The following ATP8B4 variants were observed in gnomAD, a reference collection of about 807,000 sequenced individuals.
The protein encoded by ATP8B4 is ATPase phospholipid transporting 8B4 (putative), also known as probable phospholipid-transporting ATPase IM.
A neutral mutation model predicts 145.6 loss-of-function variants in ATP8B4; 133 were observed. The observed-to-expected ratio is 0.91, with a 90% confidence interval of 0.79 to 1.05. ATP8B4 has a LOEUF of 1.05. ATP8B4 is among the 50% of genes least tolerant of loss of function. ATP8B4 has a pLI of 0.00. For synonymous variants in ATP8B4, 507 were observed against 492.9 expected (o/e 1.03, Z -0.38); for missense variants, 1,458 against 1,425.2 (o/e 1.02, Z -0.37).
chr15:50,137,356 G>T (rs1455755312), intron 1 of ATP8B4, among the ~76,000 whole-genome samples: 2 of 152,038 alleles, frequency 1.3e-5, no homozygotes, highest in Non-Finnish European at 2.9e-5. Context: ...GCACATTCTG[G>T]AAGGCTCTTC....
intron 8 of ATP8B4, among the ~76,000 whole-genome samples, chr15:50,000,491 T>C (rs2047797517): frequency 6.6e-6 from 1 of 152,176 alleles, no homozygotes; most frequent in Admixed American, 6.5e-5. Context: ...CATTTGTACG[T>C]CCTCTTTGGT....
At position 49,925,376 on chromosome 15, in the gene ATP8B4, A is replaced by T. The variant is rs188656438; in HGVS notation, c.1643-1882T>A. 5.6e-3 allele frequency among the ~76,000 whole-genome samples: 846 copies of T among 152,270 alleles called. 8 individuals carry two copies. Among genetic ancestry groups the T allele is most frequent in the African/African-American group, 0.02 (812 of 41,562 alleles). On this transcript the variant is annotated intron_variant, in intron 16 of 27. Coordinates refer to ENST00000284509, the MANE Select transcript of ATP8B4 (RefSeq NM_024837.4). ...TCTGCATTCATTCTGTTGTGACATC[A>T]CATGTCACGTGGCTTCTGCAAAACT...
intron 8 of ATP8B4, among the ~76,000 whole-genome samples, chr15:49,999,016 T>C (rs1222690819): frequency 6.6e-6 from 1 of 152,136 alleles, no homozygotes; most frequent in Non-Finnish European, 1.5e-5. Context: ...CCATTGCTTG[T>C]TTTTCTCAGG....
At position 49,982,280 on chromosome 15, in the gene ATP8B4, T is replaced by A. The variant is rs530475888; in HGVS notation, c.749-986A>T. 2.0e-5 allele frequency among the ~76,000 whole-genome samples: 3 copies of A among 152,336 alleles called. 1 individual carries two copies. The South Asian group carries it at 6.2e-4, about 32-fold the overall frequency. ...AAAAGAAGCAATAATTGAGGTTTCA[T>A]AACAATTCATTGTCTTAAGTTGGAA... On this transcript the variant is annotated intron_variant, in intron 10 of 27. Coordinates refer to ENST00000284509, the MANE Select transcript of ATP8B4 (RefSeq NM_024837.4).
At chr15:50,121,849 T>C (rs1407397831), upstream of ATP8B4, among the ~76,000 whole-genome samples, 14 of 152,116 alleles carry the variant, frequency 9.2e-5, no homozygotes, top group Admixed American at 9.2e-4. Flanking sequence ...TTCAAAGTGC[T>C]TTCTCAAGGA....
chr15:49,972,561 G>A (rs185126012), intron 13 of ATP8B4, 21 bp downstream of exon 13: 1 of 1,601,126 alleles, frequency 6.2e-7, no homozygotes, highest in African/African-American at 1.3e-5. Flanking sequence ...ATCGTTAAGA[G>A]AAAGGAACTG....
At chr15:49,978,003 A>G (rs993572831) in intron 12 of ATP8B4, among the ~76,000 whole-genome samples, 1 of 152,132 alleles carries the variant, frequency 6.6e-6, no homozygotes, top group South Asian at 2.1e-4. Context: ...GTTTTCTGTC[A>G]ATTGTACCAT....
intron 1 of ATP8B4, among the ~76,000 whole-genome samples, chr15:50,164,468 G>C (rs1048747373): frequency 5.3e-5 from 8 of 152,046 alleles, no homozygotes; most frequent in Non-Finnish European, 8.8e-5. Flanking sequence ...GTCCCTGCCT[G>C]TGTCTTATTT....
At chr15:49,902,439 A>G (rs2038138588) in intron 20 of ATP8B4, among the ~76,000 whole-genome samples, 1 of 152,238 alleles carries the variant, frequency 6.6e-6, no homozygotes, top group Non-Finnish European at 1.5e-5. Flanking sequence ...AAGTTTAAAA[A>G]TAAAAATGAT....
chr15:50,017,946 G>T (rs1403656614), intron 6 of ATP8B4, among the ~76,000 whole-genome samples: 1 of 150,574 alleles, frequency 6.6e-6, no homozygotes, highest in Non-Finnish European at 1.5e-5. Context: ...ATCATCCCTA[G>T]TTCCTCAAAA....
chr15:49,960,911 T>C (rs2044011147), intron 14 of ATP8B4, among the ~76,000 whole-genome samples: 1 of 152,110 alleles, frequency 6.6e-6, no homozygotes, highest in South Asian at 2.1e-4. Flanking sequence ...GGCGGGTGGA[T>C]CACGAGGTCA....
At chr15:49,928,326 A>G (rs920637256) in intron 16 of ATP8B4, among the ~76,000 whole-genome samples, 1 of 152,170 alleles carries the variant, frequency 6.6e-6, no homozygotes, top group African/African-American at 2.4e-5. Context: ...GATGAGTAGT[A>G]GGGAACATTT....
intron 1 of ATP8B4, among the ~76,000 whole-genome samples, chr15:50,148,699 AC>A (rs1395430450): frequency 6.6e-6 from 1 of 152,214 alleles, no homozygotes. Flanking sequence ...AGTCTAAGGT[AC>A]TCTGTAATAG....
At chr15:49,872,950 C>T (rs530239171) in intron 25 of ATP8B4, among the ~76,000 whole-genome samples, 1 of 152,138 alleles carries the variant, frequency 6.6e-6, no homozygotes, top group Non-Finnish European at 1.5e-5. Flanking sequence ...ATATTAACAT[C>T]AGAGAAAAGC....
chr15:49,875,578 T>C (rs1024138776), intron 25 of ATP8B4, among the ~76,000 whole-genome samples: 2 of 152,236 alleles, frequency 1.3e-5, no homozygotes, highest in African/African-American at 4.8e-5. Context: ...TGCATGCCTA[T>C]AATCTCAGCC....
At chr15:50,160,882 T>A (rs1393518356) in intron 1 of ATP8B4, among the ~76,000 whole-genome samples, 1 of 152,076 alleles carries the variant, frequency 6.6e-6, no homozygotes, top group Non-Finnish European at 1.5e-5. Flanking sequence ...ATCTGTCAAG[T>A]TCATTTGGTT....
At chr15:50,079,124 A>T (rs2054377754) in intron 2 of ATP8B4, among the ~76,000 whole-genome samples, 1 of 152,222 alleles carries the variant, frequency 6.6e-6, no homozygotes, top group African/African-American at 2.4e-5. Flanking sequence ...GAGGGGATGG[A>T]TACCCCATTT....
chr15:50,032,338 T>C (rs928537626), intron 6 of ATP8B4, among the ~76,000 whole-genome samples: 1 of 152,236 alleles, frequency 6.6e-6, no homozygotes. Context: ...TCCAGCTTCA[T>C]CCATGTCCCT....
rs576780031 is a variant in ATP8B4, at chr15:49,898,393, C to G, written c.2290-142G>C. 9.5e-5 allele frequency: 85 copies of G among 890,644 alleles called. No individual in the cohort carries two copies. In the South Asian group the frequency reaches 1.4e-3, roughly 14 times the overall value. The allele number at this position is 890,644 out of a possible 1,614,324, so 55.2% of individuals were successfully genotyped here. ...TCACTCCAAAAAGTCATTGTTGATT[C>G]AGAATCACACAAGCAACAAGAACCA... is the stretch of plus-strand genomic sequence containing the variant. On this transcript the variant is annotated intron_variant, in intron 21 of 27. Transcript: ENST00000284509.
Sources: allele counts gnomAD v4.1 joint callset (sites outside exome capture counted in the v4.1 genomes callset), GRCh38; gene constraint gnomAD v4.1.1; transcripts MANE v1.5; gene names NCBI Gene and HGNC (gene_info 2026-07-23, HGNC 2026-07-21).